CRLF2: variants seen among roughly 807,000 people sequenced by gnomAD.
The protein encoded by CRLF2 is cytokine receptor-like factor 2.
A neutral mutation model predicts 38.7 loss-of-function variants in CRLF2; 41 were observed. The observed-to-expected ratio is 1.06, with a 90% CI of 0.83 to 1.37. CRLF2 has a LOEUF of 1.37. Among genes scored for constraint, CRLF2 ranks in the 40% most tolerant of loss-of-function variants. The pLI is 0.00. For missense variants in CRLF2, 377 were observed against 322.2 expected, an observed-to-expected ratio of 1.17 and a Z score of -1.30; for synonymous variants, 140 against 128.8, an observed-to-expected ratio of 1.09 and a Z score of -0.59.
chrX:1,208,545 G>A (rs2086731741), intron 2 of CRLF2, among the ~76,000 whole-genome samples: 1 of 152,090 alleles, frequency 6.6e-6, no homozygotes, highest in African/African-American at 2.4e-5. Flanking sequence ...GCAACGGAGT[G>A]AGACTCCGAC....
intron 6 of CRLF2, among the ~76,000 whole-genome samples, chrX:1,194,887 C>A (rs1336999145): frequency 2.6e-5 from 4 of 152,014 alleles, no homozygotes; most frequent in African/African-American, 7.3e-5. Flanking sequence ...CAAAAATTAG[C>A]CAGGTGTGGT....
chrX:1,190,678 T>C lies in CRLF2; in HGVS notation c.*219A>G, dbSNP rs1297887591. The C allele has an allele frequency of 2.5e-4, 100 of 397,234 alleles. No homozygotes were observed. The highest frequency in any genetic ancestry group is 1.9e-3 in the African/African-American group (95 of 48,738). The allele number at this position is 397,234 out of a possible 1,614,324, so 24.6% of individuals were successfully genotyped here. A position where few individuals can be genotyped will look rare whatever the true frequency, so the allele number is the denominator to read the frequency against. Reference sequence around the variant, plus strand: ...AATCTCCTGGAGCAATTGGCTCCCATCTGCCATCAAGCCTTTGAACACAGA... The same window carrying C: ...AATCTCCTGGAGCAATTGGCTCCCACCTGCCATCAAGCCTTTGAACACAGA... On this transcript the variant is annotated 3_prime_UTR_variant, in exon 8 of 8. Transcript: ENST00000400841.
intron 5 of CRLF2, among the ~76,000 whole-genome samples, chrX:1,198,295 TCCCTCCCACCTC>T: frequency 8.1e-6 from 1 of 123,468 alleles, no homozygotes; most frequent in African/African-American, 3.3e-5. Flanking sequence ...CAGGACACCC[TCCCTCCCACCTC>T]CCAGGAAGGC....
chrX:1,202,750 C>T (rs753642148), intron 3 of CRLF2, among the ~76,000 whole-genome samples: 12 of 152,104 alleles, frequency 7.9e-5, no homozygotes, highest in South Asian at 4.2e-4. Flanking sequence ...TAAAATTCTG[C>T]GGAAAATGTC....
chrX:1,195,358 G>C (rs2086457228), intron 6 of CRLF2, among the ~76,000 whole-genome samples: 2 of 152,026 alleles, frequency 1.3e-5, no homozygotes, highest in Non-Finnish European at 1.5e-5. Context: ...ATTAGATCTT[G>C]GACCATTCTT....
intron 3 of CRLF2, 36 bp downstream of exon 3, chrX:1,206,397 C>T: frequency 6.3e-7 from 1 of 1,595,142 alleles, no homozygotes; most frequent in African/African-American, 1.3e-5. Context: ...GAAGGAAGTA[C>T]TGAAAAGCAT....
intron 5 of CRLF2, 42 bp from the exon 6 acceptor site, chrX:1,196,942 C>T (rs367940274): frequency 3.6e-5 from 57 of 1,597,234 alleles, no homozygotes; most frequent in Admixed American, 1.5e-4. Flanking sequence ...TTCAACATGA[C>T]GTGCGGCTGT....
In CRLF2 at chrX:1,196,800, C is replaced by G. The variant is rs1311780453; in HGVS notation, c.747G>C (p.Leu249=). 4 of 1,613,168 alleles carry G rather than the reference C, an allele frequency of 2.5e-6. No homozygotes were observed. The highest frequency in any genetic ancestry group is 1.3e-5 in the African/African-American group (1 of 74,898). The change falls in exon 6 of 8, where the codon CTG becomes CTC. Residue 249 remains leucine, a synonymous_variant. Transcript: ENST00000400841. ...AILLMVSLLL[L]SLWKLWRVKK... ...CTTACCTCCATAATTTCCATAAAGA[C>G]AGAAGGAGGAGAGACACCATCAGAA...
At chrX:1,192,653 C>G (rs1232507069) in intron 7 of CRLF2, among the ~76,000 whole-genome samples, 11 of 148,826 alleles carry the variant, frequency 7.4e-5, no homozygotes, top group South Asian at 6.4e-4. Context: ...TTCTTTTTTT[C>G]TTTCTTTCCT....
chrX:1,202,926 T>C (rs2086633830), intron 3 of CRLF2, among the ~76,000 whole-genome samples: 1 of 151,718 alleles, frequency 6.6e-6, no homozygotes, highest in East Asian at 1.9e-4. Context: ...CTGGCCAATA[T>C]GCTAAAACCC....
At chrX:1,201,717 C>T (rs775142219) in intron 4 of CRLF2, among the ~76,000 whole-genome samples, 25 of 150,834 alleles carry the variant, frequency 1.7e-4, no homozygotes, top group African/African-American at 5.6e-4. Context: ...TAGATAGAGA[C>T]GGATAGATGA....
At chrX:1,205,118 C>T (rs1375829622) in intron 3 of CRLF2, among the ~76,000 whole-genome samples, 3 of 152,228 alleles carry the variant, frequency 2.0e-5, no homozygotes, top group Non-Finnish European at 2.9e-5. Flanking sequence ...TGAGCCACCG[C>T]GCCCCGCCTT....
intron 7 of CRLF2, among the ~76,000 whole-genome samples, chrX:1,191,374 T>TTC (rs2086378493): frequency 2.8e-5 from 4 of 143,874 alleles, no homozygotes; most frequent in African/African-American, 1.1e-4. Context: ...TTCTTTCTCT[T>TTC]TCTTTCTTTC....
At position 1,190,590 on chromosome X, in the gene CRLF2, T is replaced by G; in HGVS notation, c.*307A>C. The stretch of plus-strand genomic sequence containing the variant: ...AGAGTGGGAAGATGGTTTTACAGCA[T>G]TTTGGACGTGCTGCCTTGGGGTTTA... On this transcript the variant is annotated 3_prime_UTR_variant, in exon 8 of 8. Coordinates refer to ENST00000400841, the MANE Select transcript of CRLF2 (RefSeq NM_022148.4). 1 of 354,346 alleles carries G rather than the reference T, an allele frequency of 2.8e-6. No individual in the cohort carries two copies. The highest frequency in any genetic ancestry group is 5.0e-6 in the Non-Finnish European group (1 of 198,138). 22.0% of individuals were successfully genotyped at this position (354,346 alleles called of 1,614,324 possible).
intron 1 of CRLF2, among the ~76,000 whole-genome samples, chrX:1,211,115 G>A (rs1467906795): frequency 6.6e-6 from 1 of 151,856 alleles, no homozygotes; most frequent in Non-Finnish European, 1.5e-5. Context: ...AAGGATGGGT[G>A]GGTGGATGAG....
chrX:1,208,644 T>C (rs1332990865), intron 2 of CRLF2, among the ~76,000 whole-genome samples, 162 bp downstream of exon 2: 1 of 152,158 alleles, frequency 6.6e-6, no homozygotes, highest in Non-Finnish European at 1.5e-5. Flanking sequence ...GGCAATGAGA[T>C]TGTGGTTGTG....
At chrX:1,195,927 T>C (rs2086466388) in intron 6 of CRLF2, among the ~76,000 whole-genome samples, 1 of 141,814 alleles carries the variant, frequency 7.1e-6, no homozygotes, top group Non-Finnish European at 1.5e-5. Context: ...TTATATAGAT[T>C]ACATTAAATA....
intron 1 of CRLF2, among the ~76,000 whole-genome samples, chrX:1,211,873 GTAGATGGA>G (rs1236670135): frequency 1.2e-5 from 1 of 80,382 alleles, no homozygotes; most frequent in African/African-American, 7.0e-5. Flanking sequence ...GGATGTATTG[GTAGATGGA>G]TGGGTGGATG....
chrX:1,208,900 C>A lies in CRLF2; in HGVS notation c.88G>T (p.Val30Leu). ...ALGQGGAAEGVQIQIIYFNLE... is the reference protein window; with the variant it reads ...ALGQGGAAEGLQIQIIYFNLE... ...TTGAAGTAGATGATCTGAATCTGTACTCCTTCTGCTAGACACAGAGAGACG... is the reference window on the plus strand; with the variant it reads ...TTGAAGTAGATGATCTGAATCTGTAATCCTTCTGCTAGACACAGAGAGACG... Residue 30 changes from valine (V) to leucine (L), a missense_variant, in exon 2 of 8, where the codon GTA (valine) becomes TTA (leucine). Val to Leu is a conservative substitution (Grantham distance 32). Transcript: ENST00000400841. 6.3e-7 allele frequency: 1 copy of A among 1,589,068 alleles called. No individual in the cohort carries two copies. The highest frequency in any genetic ancestry group is 8.6e-7 in the Non-Finnish European group (1 of 1,157,262).
Sources: gnomAD v4.1 joint callset for allele counts (sites outside exome capture counted in the v4.1 genomes callset) on GRCh38, gnomAD v4.1.1 for gene constraint, MANE v1.5 for transcripts, NCBI Gene and HGNC (gene_info 2026-07-23, HGNC 2026-07-21) for gene names.